USH2A: variants seen among roughly 807,000 people sequenced by gnomAD.
USH2A encodes the protein Usher syndrome 2A (autosomal recessive, mild).
USH2A carries 443 observed loss-of-function variants against 538.9 expected under a neutral mutation model. The ratio of observed to expected loss-of-function variants is 0.82; its 90% confidence interval spans 0.76 to 0.89. The LOEUF (loss-of-function observed/expected upper bound fraction) is 0.89, where lower values mean the gene tolerates loss of function less well. USH2A is among the 40% of genes least tolerant of loss of function. The pLI, the probability that USH2A is intolerant of heterozygous loss-of-function variation, is 0.00. For missense variants in USH2A, 6,633 were observed against 6,324.8 expected, an observed-to-expected ratio of 1.05 and a Z score of -1.65; for synonymous variants, 2,413 against 2,273.5, an observed-to-expected ratio of 1.06 and a Z score of -1.75.
chr1:215,882,887 T>C (rs1255490163), intron 41 of USH2A, among the ~76,000 whole-genome samples: 1 of 152,194 alleles, frequency 6.6e-6, no homozygotes, highest in African/African-American at 2.4e-5. Flanking sequence ...ATGTATGCAA[T>C]ATGTGCTCTT....
intron 35 of USH2A, among the ~76,000 whole-genome samples, chr1:215,981,910 T>C (rs1045980366): frequency 2.0e-5 from 3 of 152,220 alleles, no homozygotes; most frequent in Non-Finnish European, 2.9e-5. Flanking sequence ...GTTTACTCCA[T>C]GTGAATTAGA....
chr1:215,820,247 T>A (rs958526819), intron 47 of USH2A, among the ~76,000 whole-genome samples: 2 of 149,874 alleles, frequency 1.3e-5, no homozygotes, highest in African/African-American at 4.9e-5. Flanking sequence ...CTACACACAT[T>A]TTTTTCTCTC....
chr1:215,656,579 GA>G (rs1657261246), intron 64 of USH2A, among the ~76,000 whole-genome samples: 1 of 152,188 alleles, frequency 6.6e-6, no homozygotes, highest in Non-Finnish European at 1.5e-5. Context: ...TGTAAGTGAT[GA>G]TGACTGTCTT....
intron 22 of USH2A, among the ~76,000 whole-genome samples, chr1:216,089,473 T>C (rs1028866934): frequency 6.6e-6 from 1 of 152,096 alleles, no homozygotes; most frequent in African/African-American, 2.4e-5. Context: ...TTTTAGACTT[T>C]AAGTTTCATG....
intron 61 of USH2A, among the ~76,000 whole-genome samples, chr1:215,684,630 A>T (rs1658348668): frequency 6.6e-6 from 1 of 152,042 alleles, no homozygotes; most frequent in South Asian, 2.1e-4. Flanking sequence ...ATGTATAGGC[A>T]CTCTTGTGTT....
Position 216,251,014 on chromosome 1 carries a change from A to T in USH2A, c.2056T>A (p.Leu686Met). Residue 686 changes from leucine (L) to methionine (M), a missense_variant, in exon 12 of 72, where the codon TTG becomes ATG. By Grantham distance (15) the Leu-to-Met change is conservative. Coordinates refer to ENST00000307340, the MANE Select transcript of USH2A (RefSeq NM_206933.4). ...CAGGGACTGCAGCCATCAGGATCCA[A>T]CTCTTGTAGATTGTAGAATCCATTC... ...CQNGFYNLQE[L>M]DPDGCSPCNC... is the part of the protein sequence containing the mutation. 1 of 1,613,988 alleles carries T rather than the reference A, an allele frequency of 6.2e-7. No individual in the cohort carries two copies. The highest frequency in any genetic ancestry group is 8.5e-7 in the Non-Finnish European group (1 of 1,179,988).
At chr1:216,390,325 A>T (rs1157003872) in intron 3 of USH2A, among the ~76,000 whole-genome samples, 1 of 152,138 alleles carries the variant, frequency 6.6e-6, no homozygotes, top group Non-Finnish European at 1.5e-5. Flanking sequence ...TTAGGCTCAG[A>T]TTATTAGATC....
At chr1:216,282,781 C>T (rs1484544924) in intron 11 of USH2A, among the ~76,000 whole-genome samples, 2 of 152,138 alleles carry the variant, frequency 1.3e-5, no homozygotes, top group Non-Finnish European at 2.9e-5. Context: ...ACAAAGATTA[C>T]ACTAAATCTG....
At chr1:216,315,426 T>G (rs1318574843) in intron 9 of USH2A, among the ~76,000 whole-genome samples, 4 of 152,152 alleles carry the variant, frequency 2.6e-5, no homozygotes, top group Admixed American at 1.3e-4. Flanking sequence ...GAAATAAGAT[T>G]GGTGGTTTCC....
At chr1:216,082,106 T>C (rs1337933949) in intron 26 of USH2A, among the ~76,000 whole-genome samples, 2 of 152,078 alleles carry the variant, frequency 1.3e-5, no homozygotes, top group African/African-American at 4.8e-5. Context: ...CACATGTAGA[T>C]GACTCAACGA....
chr1:216,082,399 T>C (rs1043563463), intron 26 of USH2A, among the ~76,000 whole-genome samples: 1 of 149,802 alleles, frequency 6.7e-6, no homozygotes, highest in African/African-American at 2.5e-5. Flanking sequence ...TAATAAATAC[T>C]ATGAAGGGAT....
At chr1:215,662,179 C>T (rs1657457028) in intron 64 of USH2A, among the ~76,000 whole-genome samples, 1 of 152,062 alleles carries the variant, frequency 6.6e-6, no homozygotes, top group Admixed American at 6.5e-5. Context: ...TTTACAGGAC[C>T]TAAGTTTTAG....
At chr1:216,297,764 T>C (rs749806160) in intron 9 of USH2A, among the ~76,000 whole-genome samples, 1 of 152,132 alleles carries the variant, frequency 6.6e-6, no homozygotes, top group Admixed American at 6.6e-5. Flanking sequence ...TTATTTCTGG[T>C]TAATTTGATC....
intron 21 of USH2A, among the ~76,000 whole-genome samples, chr1:216,143,968 C>T (rs1283648578): frequency 2.0e-5 from 3 of 152,060 alleles, no homozygotes; most frequent in Admixed American, 2.0e-4. Context: ...AAGCCAGGAA[C>T]CCAGTAGCTA....
intron 14 of USH2A, among the ~76,000 whole-genome samples, chr1:216,219,474 A>G (rs1281583600): frequency 6.6e-6 from 1 of 152,142 alleles, no homozygotes; most frequent in Non-Finnish European, 1.5e-5. Context: ...AAGACTCTTT[A>G]GCAAATAAGC....
At chr1:215,883,372 G>A (rs535696534) in intron 41 of USH2A, among the ~76,000 whole-genome samples, 2 of 151,660 alleles carry the variant, frequency 1.3e-5, no homozygotes, top group Non-Finnish European at 1.5e-5. Context: ...TTTGGTGGGT[G>A]GGGGGGAAGT....
In USH2A at chr1:215,758,592, T is replaced by A. The variant is rs753886165; in HGVS notation, c.11389+3A>T. ...CACACACATACTTCTTTTTTTTTTTTACCTGGTGGTATCCAAGCTACAAAT... is the reference window on the plus strand; with the variant it reads ...CACACACATACTTCTTTTTTTTTTTAACCTGGTGGTATCCAAGCTACAAAT... On this transcript the variant is annotated splice_donor_region_variant and intron_variant, in intron 58 of 71. Coordinates refer to ENST00000307340, the MANE Select transcript of USH2A (RefSeq NM_206933.4). 7 of 1,611,032 alleles carry A rather than the reference T, an allele frequency of 4.3e-6. No homozygotes were observed. Among genetic ancestry groups the A allele is most frequent in the Admixed American group, 1.7e-5 (1 of 59,928 alleles).
rs1372509154 is a variant in USH2A, at chr1:216,070,301, G to A, written c.5858-9C>T. 2.5e-6 allele frequency: 4 copies of A among 1,613,464 alleles called. No individual in the cohort carries two copies. The Admixed American group carries it at 5.0e-5, about 20-fold the overall frequency. On this transcript the variant is annotated splice_polypyrimidine_tract_variant and intron_variant, in intron 29 of 71. Coordinates refer to ENST00000307340, the MANE Select transcript of USH2A (RefSeq NM_206933.4). ...TGGCACACTTTGTGGAGCTGTGAAG[G>A]AATAAAAGAGAAAATAGGGAAAATG... is the stretch of plus-strand genomic sequence containing the variant.
intron 20 of USH2A, among the ~76,000 whole-genome samples, chr1:216,178,079 G>A (rs1397867017): frequency 6.6e-6 from 1 of 152,060 alleles, no homozygotes; most frequent in Middle Eastern, 3.2e-3. Flanking sequence ...AAGCAGCTTA[G>A]AACAATTAGT....
Sources: allele counts gnomAD v4.1 joint callset (sites outside exome capture counted in the v4.1 genomes callset), GRCh38; gene constraint gnomAD v4.1.1; transcripts MANE v1.5; gene names NCBI Gene and HGNC (gene_info 2026-07-23, HGNC 2026-07-21).